Variants in PTPRD observed in about 807,000 individuals in gnomAD.
PTPRD encodes receptor-type tyrosine-protein phosphatase delta.
In PTPRD, 34 loss-of-function variants were observed where a neutral mutation model predicts 214.5. That is an observed-to-expected ratio of 0.16 (90% confidence interval 0.12 to 0.21). The LOEUF is 0.21. PTPRD is among the 10% of genes least tolerant of loss of function. The pLI is 1.00. For missense variants in PTPRD, 2,545 were observed against 2,398.7 expected, an observed-to-expected ratio of 1.06 and a Z score of -1.27; for synonymous variants, 1,128 against 845.7, an observed-to-expected ratio of 1.33 and a Z score of -5.79.
intron 2 of PTPRD, among the ~76,000 whole-genome samples, chr9:10,505,395 G>T (rs950476117): frequency 6.6e-6 from 1 of 152,154 alleles, no homozygotes. Flanking sequence ...TCCTGTTTGA[G>T]CTCCACTGAT....
chr9:8,389,411 G>C lies in PTPRD; in HGVS notation c.4211-4C>G. The C allele has an allele frequency of 1.2e-6, 2 of 1,604,310 alleles. No homozygotes were observed. Among genetic ancestry groups the C allele is most frequent in the Non-Finnish European group, 1.7e-6 (2 of 1,175,430 alleles). ...ACATAGTCACTTCCTGGGATCCCTG[G>C]AAAACAAGGAGTGTTATTCAACCAG... On this transcript the variant is annotated splice_polypyrimidine_tract_variant and splice_region_variant and intron_variant, in intron 36 of 45. Coordinates refer to ENST00000381196, the MANE Select transcript of PTPRD (RefSeq NM_002839.4).
rs534513480 is a variant in PTPRD at position 9,875,756 on chromosome 9, A to G, written c.-368+62751T>C. Reference sequence around the variant, plus strand: ...GAATATTAACCCTTTATAAATAAAAAACATCCAGGTTTAAGACAAAATAAC... The same window carrying G: ...GAATATTAACCCTTTATAAATAAAAGACATCCAGGTTTAAGACAAAATAAC... On this transcript the variant is annotated intron_variant, in intron 5 of 45. Coordinates refer to ENST00000381196, the MANE Select transcript of PTPRD (RefSeq NM_002839.4). Among the ~76,000 whole-genome samples, 3 of 152,272 alleles carry G rather than the reference A, an allele frequency of 2.0e-5. No homozygotes were observed. In the South Asian group the frequency reaches 6.2e-4, roughly 32 times the overall value.
At chr9:8,690,979 T>C (rs967174693) in intron 12 of PTPRD, among the ~76,000 whole-genome samples, 2 of 152,146 alleles carry the variant, frequency 1.3e-5, no homozygotes, top group African/African-American at 2.4e-5. Flanking sequence ...AAGGGAGGTA[T>C]TAGTAAATTT....
intron 7 of PTPRD, among the ~76,000 whole-genome samples, chr9:9,634,688 A>G (rs1197973208): frequency 6.6e-6 from 1 of 152,212 alleles, no homozygotes; most frequent in Non-Finnish European, 1.5e-5. Flanking sequence ...AGAAGCAGTC[A>G]ATTCTTAAAG....
intron 9 of PTPRD, among the ~76,000 whole-genome samples, chr9:9,275,092 T>TTA (rs71485094): frequency 1.1e-4 from 8 of 74,332 alleles, no homozygotes; most frequent in Admixed American, 2.2e-4. Context: ...AATATATATG[T>TTA]TATATATATA....
chr9:9,404,862 T>C (rs1373454806), intron 8 of PTPRD, among the ~76,000 whole-genome samples: 1 of 152,096 alleles, frequency 6.6e-6, no homozygotes, highest in Non-Finnish European at 1.5e-5. Context: ...CAAAATTATG[T>C]GGCCCTGTGC....
At chr9:9,803,566 G>C (rs997842216) in intron 5 of PTPRD, among the ~76,000 whole-genome samples, 5 of 151,944 alleles carry the variant, frequency 3.3e-5, no homozygotes, top group South Asian at 2.1e-4. Flanking sequence ...AGCAGAGTTA[G>C]TACTGTTTTA....
intron 12 of PTPRD, among the ~76,000 whole-genome samples, chr9:8,710,139 T>C (rs2098299353): frequency 6.6e-6 from 1 of 152,178 alleles, no homozygotes; most frequent in African/African-American, 2.4e-5. Context: ...ATTAGCTCTT[T>C]GTTACTAATA....
chr9:8,604,815 C>T (rs2095106069), intron 14 of PTPRD, among the ~76,000 whole-genome samples: 1 of 152,004 alleles, frequency 6.6e-6, no homozygotes, highest in African/African-American at 2.4e-5. Context: ...ATGATGATGC[C>T]ATTAACTGAG....
rs187356579 is a variant in PTPRD, at chr9:9,873,764, G to C, written c.-368+64743C>G. ...TTAAAATATTCTTTCTCCATCCTGA[G>C]GCTCATATTTCTGAGTATCCCCATA... On this transcript the variant is annotated intron_variant, in intron 5 of 45. Transcript: ENST00000381196. Among the ~76,000 whole-genome samples the C allele has an allele frequency of 2.1e-3, 322 of 152,104 alleles. 3 individuals are homozygous for C. The highest frequency in any genetic ancestry group is 7.3e-3 in the African/African-American group (303 of 41,490).
intron 8 of PTPRD, among the ~76,000 whole-genome samples, chr9:9,546,823 C>G (rs779743901): frequency 4.6e-5 from 7 of 151,494 alleles, no homozygotes; most frequent in Admixed American, 1.3e-4. Context: ...AATTTATGAT[C>G]TTAATATAGT....
chr9:8,845,727 T>C (rs1354078807), intron 11 of PTPRD, among the ~76,000 whole-genome samples: 6 of 152,238 alleles, frequency 3.9e-5, no homozygotes, highest in Non-Finnish European at 1.5e-5. Flanking sequence ...CATACGTCAC[T>C]TTCCCCCAAA....
intron 3 of PTPRD, among the ~76,000 whole-genome samples, chr9:10,230,059 T>G (rs2099603452): frequency 6.6e-6 from 1 of 152,036 alleles, no homozygotes; most frequent in South Asian, 2.1e-4. Flanking sequence ...CTTTCATGTA[T>G]AAGCTGGTGC....
At chr9:8,699,864 G>A (rs565822446) in intron 12 of PTPRD, among the ~76,000 whole-genome samples, 1 of 151,970 alleles carries the variant, frequency 6.6e-6, no homozygotes, top group Non-Finnish European at 1.5e-5. Flanking sequence ...AGCCTAGCAA[G>A]AGTTTCCCAT....
intron 11 of PTPRD, among the ~76,000 whole-genome samples, chr9:8,857,975 C>A (rs1482368184): frequency 6.8e-6 from 1 of 147,816 alleles, no homozygotes; most frequent in Non-Finnish European, 1.5e-5. Context: ...CTTCCCGGGC[C>A]GTCCTCTTGG....
chr9:8,907,476 C>A (rs1291634278), intron 11 of PTPRD, among the ~76,000 whole-genome samples: 1 of 137,898 alleles, frequency 7.3e-6, no homozygotes, highest in Non-Finnish European at 1.5e-5. Context: ...TGAGATCGTG[C>A]TACTGCACTC....
rs142369340 is a variant in PTPRD at position 9,306,563 on chromosome 9, C to CA, written c.-203+90885dup. ...TGGGCGACAGAGTGAGACTCCGTCT[C>CA]AAAAAAAAAAAAAAAAAAAAAAAAA... is the stretch of plus-strand genomic sequence containing the variant. On this transcript the variant is annotated intron_variant, in intron 9 of 45. Coordinates refer to ENST00000381196, the MANE Select transcript of PTPRD (RefSeq NM_002839.4). Among the ~76,000 whole-genome samples the CA allele has an allele frequency of 4.2e-3, 335 of 79,054 alleles. 6 individuals are homozygous for CA. Among genetic ancestry groups the CA allele is most frequent in the Middle Eastern group, 8.6e-3 (1 of 116 alleles). The allele number at this position is 79,054 out of a possible 152,430, so 51.9% of individuals were successfully genotyped here.
chr9:9,461,306 G>C (rs2093635904), intron 8 of PTPRD, among the ~76,000 whole-genome samples: 1 of 151,896 alleles, frequency 6.6e-6, no homozygotes. Flanking sequence ...TACCTGCACA[G>C]GTACTTCCTG....
intron 33 of PTPRD, among the ~76,000 whole-genome samples, chr9:8,453,640 G>A (rs1436626018): frequency 6.6e-6 from 1 of 152,238 alleles, no homozygotes; most frequent in Non-Finnish European, 1.5e-5. Context: ...GAGGCTTGCT[G>A]ACCAACATAA....
Sources: gnomAD v4.1 joint callset for allele counts (sites outside exome capture counted in the v4.1 genomes callset) on GRCh38, gnomAD v4.1.1 for gene constraint, MANE v1.5 for transcripts, NCBI Gene and HGNC (gene_info 2026-07-23, HGNC 2026-07-21) for gene names.